The following CISD1 variants were observed in gnomAD, a reference collection of about 807,000 sequenced individuals.
The protein encoded by CISD1 is CDGSH iron-sulfur domain-containing protein 1.
In CISD1, 8 loss-of-function variants were observed where a neutral mutation model predicts 12.0. That is an observed-to-expected ratio of 0.67 (90% confidence interval 0.39 to 1.20). CISD1 has a LOEUF of 1.20. Ranked by LOEUF, CISD1 falls within the 50% of genes most tolerant of loss-of-function variation. The pLI is 0.01. For missense variants in CISD1, 107 were observed against 132.7 expected, an observed-to-expected ratio of 0.81 and a Z score of 0.95; for synonymous variants, 38 against 42.2, an observed-to-expected ratio of 0.90 and a Z score of 0.39.
At chr10:58,269,968 A>AATTCCC (rs1448266272) in intron 1 of CISD1, among the ~76,000 whole-genome samples, 2 of 152,220 alleles carry the variant, frequency 1.3e-5, no homozygotes, top group African/African-American at 4.8e-5. Flanking sequence ...AAGTCCCGTT[A>AATTCCC]TAATAAAATT....
At chr10:58,271,751 T>C (rs1418585161) in intron 1 of CISD1, among the ~76,000 whole-genome samples, 2 of 135,516 alleles carry the variant, frequency 1.5e-5, no homozygotes, top group African/African-American at 6.7e-5. Flanking sequence ...AAATAAAAGG[T>C]AGTTTATAAA....
Position 58,287,708 on chromosome 10 carries a change from A to G in CISD1, c.*58A>G. The G allele has an allele frequency of 9.0e-7, 1 of 1,110,494 alleles. No individual in the cohort carries two copies. Among genetic ancestry groups the G allele is most frequent in the Non-Finnish European group, 1.3e-6 (1 of 750,626 alleles). The allele number at this position is 1,110,494 out of a possible 1,614,324, so 68.8% of individuals were successfully genotyped here. ...CGTGAAGTTACCTGATTGTTTAATT[A>G]GAATGACTACCACCTCTGTCTGATT... On this transcript the variant is annotated 3_prime_UTR_variant, in exon 3 of 3. Coordinates refer to ENST00000333926, the MANE Select transcript of CISD1 (RefSeq NM_018464.5).
chr10:58,269,442 GCCCGGCTGCGGGCT>G, intron 1 of CISD1, 138 bp downstream of exon 1: 1 of 766,350 alleles, frequency 1.3e-6, no homozygotes, highest in Non-Finnish European at 2.1e-6. Flanking sequence ...CAAGCGCTCG[GCCCGGCTGCGGGCT>G]CCGGGCCGGA....
chr10:58,287,900 C>A lies in CISD1; in HGVS notation c.*250C>A. 8.8e-6 allele frequency: 3 copies of A among 341,076 alleles called. No individual in the cohort carries two copies. The Admixed American group carries it at 1.4e-4, about 16-fold the overall frequency. The allele number at this position is 341,076 out of a possible 1,614,324, so 21.1% of individuals were successfully genotyped here. ...GGGTTATTTTGGTCTTGTAAGGATCCATTTCTTTAAAATACTGACATATAG... is the reference window on the plus strand; with the variant it reads ...GGGTTATTTTGGTCTTGTAAGGATCAATTTCTTTAAAATACTGACATATAG... On this transcript the variant is annotated 3_prime_UTR_variant, in exon 3 of 3. Coordinates refer to ENST00000333926, the MANE Select transcript of CISD1 (RefSeq NM_018464.5).
At chr10:58,280,490 A>G (rs1839362311) in intron 2 of CISD1, among the ~76,000 whole-genome samples, 1 of 152,224 alleles carries the variant, frequency 6.6e-6, no homozygotes, top group Admixed American at 6.5e-5. Context: ...GGTAAAAGGC[A>G]AATTTTCCAG....
intron 2 of CISD1, among the ~76,000 whole-genome samples, chr10:58,278,612 C>T (rs562194185): frequency 2.6e-5 from 4 of 152,236 alleles, no homozygotes; most frequent in African/African-American, 4.8e-5. Context: ...AATGATGTAT[C>T]TGTTTTTGAA....
At position 58,287,824 on chromosome 10, in the gene CISD1, T is replaced by G; in HGVS notation, c.*174T>G. ...TTGTTGAAACATCGTGGTGCACATT[T>G]GTTTAAACAAAAAAAAAAAAAAAAA... On this transcript the variant is annotated 3_prime_UTR_variant, in exon 3 of 3. Transcript: ENST00000333926. The G allele has an allele frequency of 2.4e-6, 1 of 409,738 alleles. No individual in the cohort carries two copies. Among genetic ancestry groups the G allele is most frequent in the Non-Finnish European group, 4.1e-6 (1 of 243,094 alleles). The allele number at this position is 409,738 out of a possible 1,614,324, so 25.4% of individuals were successfully genotyped here.
chr10:58,269,842 C>T (rs760517866), intron 1 of CISD1, among the ~76,000 whole-genome samples: 35 of 152,152 alleles, frequency 2.3e-4, no homozygotes, highest in Non-Finnish European at 4.0e-4. Context: ...GCATCTGACA[C>T]TCGGTGGCAG....
chr10:58,269,388 G>T (rs1047511771), intron 1 of CISD1, 84 bp downstream of exon 1: 3 of 1,231,388 alleles, frequency 2.4e-6, no homozygotes, highest in Non-Finnish European at 3.5e-6. Flanking sequence ...TTTTACCACT[G>T]CCCTACGCGC....
intron 2 of CISD1, among the ~76,000 whole-genome samples, chr10:58,279,997 TA>T (rs1839356270): frequency 6.6e-6 from 1 of 152,106 alleles, no homozygotes; most frequent in South Asian, 2.1e-4. Context: ...TTTTCTTAAT[TA>T]AAAAAACATC....
At chr10:58,270,177 A>G (rs1839228443) in intron 1 of CISD1, among the ~76,000 whole-genome samples, 2 of 152,196 alleles carry the variant, frequency 1.3e-5, no homozygotes, top group Admixed American at 6.5e-5. Flanking sequence ...CGTTCAGTAA[A>G]TATTGAACAT....
chr10:58,284,026 C>T lies in CISD1; in HGVS notation c.238-3535C>T, dbSNP rs149036186. Among the ~76,000 whole-genome samples, 527 of 152,208 alleles carry T rather than the reference C, an allele frequency of 3.5e-3. 4 individuals are homozygous for T. The highest frequency in any genetic ancestry group is 0.012 in the South Asian group (58 of 4,822). On this transcript the variant is annotated intron_variant, in intron 2 of 2. Coordinates refer to ENST00000333926, the MANE Select transcript of CISD1 (RefSeq NM_018464.5). ...TTAATGAAAAAGTTAATAAAATTCT[C>T]ATATTTTTGTACATTATTTAATGTA...
chr10:58,269,447 G>C (rs1201819523), intron 1 of CISD1, 143 bp downstream of exon 1: 7 of 744,346 alleles, frequency 9.4e-6, no homozygotes, highest in African/African-American at 1.8e-5. Flanking sequence ...GCTCGGCCCG[G>C]CTGCGGGCTC....
chr10:58,270,699 G>T (rs777771133), intron 1 of CISD1, among the ~76,000 whole-genome samples: 2 of 152,166 alleles, frequency 1.3e-5, no homozygotes, highest in Non-Finnish European at 2.9e-5. Flanking sequence ...TGGTCTGCAG[G>T]ATTTCTTTTT....
intron 2 of CISD1, among the ~76,000 whole-genome samples, chr10:58,278,340 C>T (rs1839338098): frequency 6.6e-6 from 1 of 151,986 alleles, no homozygotes; most frequent in Admixed American, 6.6e-5. Flanking sequence ...TCAAGAGCAG[C>T]CTGGGCAACA....
chr10:58,271,921 G>A (rs1454502911), intron 1 of CISD1, among the ~76,000 whole-genome samples: 2 of 152,162 alleles, frequency 1.3e-5, no homozygotes, highest in Non-Finnish European at 2.9e-5. Flanking sequence ...CTAGTACTAA[G>A]TGGCCTTCAC....
intron 1 of CISD1, among the ~76,000 whole-genome samples, chr10:58,274,440 C>CTTTTTTTTTT (rs34405014): frequency 1.3e-5 from 1 of 79,150 alleles, no homozygotes; most frequent in African/African-American, 5.7e-5. Context: ...AAAATAACAA[C>CTTTTTTTTTT]TTTTTTTTTT....
chr10:58,275,941 CTAATTAT>C (rs1209581220), intron 1 of CISD1, among the ~76,000 whole-genome samples: 1 of 152,112 alleles, frequency 6.6e-6, no homozygotes, highest in Non-Finnish European at 1.5e-5. Flanking sequence ...AACTATACAA[CTAATTAT>C]TAATTATGTG....
intron 2 of CISD1, chr10:58,282,993 A>G (rs1484809114): frequency 6.6e-6 from 1 of 152,336 alleles, no homozygotes; most frequent in African/African-American, 2.4e-5. Flanking sequence ...GAAAGAGAGG[A>G]AAGTCTTACC....
Sources: allele counts gnomAD v4.1 joint callset (sites outside exome capture counted in the v4.1 genomes callset), GRCh38; gene constraint gnomAD v4.1.1; transcripts MANE v1.5; gene names NCBI Gene and HGNC (gene_info 2026-07-23, HGNC 2026-07-21).